Variants in PLEKHA6 observed in about 807,000 individuals in gnomAD.
The protein encoded by PLEKHA6 is pleckstrin homology domain-containing family A member 6.
A neutral mutation model predicts 116.7 loss-of-function variants in PLEKHA6; 60 were observed. The observed-to-expected ratio is 0.51, with a 90% CI of 0.42 to 0.64. PLEKHA6 has a LOEUF of 0.64. PLEKHA6 is among the 30% of genes least tolerant of loss of function. The probability of loss-of-function intolerance (pLI) is 0.00; values close to 1 mark genes in which losing one functional copy is unlikely to be tolerated. For missense variants in PLEKHA6, 1,338 were observed against 1,422.7 expected (o/e 0.94, Z 0.96); for synonymous variants, 489 against 556.1 (o/e 0.88, Z 1.70).
chr1:204,298,364 A>G (rs989688926), intron 1 of PLEKHA6, among the ~76,000 whole-genome samples: 1 of 152,188 alleles, frequency 6.6e-6, no homozygotes, highest in Non-Finnish European at 1.5e-5. Context: ...TTGACTCCCT[A>G]GTGTCAAATG....
intron 4 of PLEKHA6, 31 bp from the exon 5 acceptor site, chr1:204,267,578 G>C: frequency 6.3e-7 from 1 of 1,588,656 alleles, no homozygotes; most frequent in Non-Finnish European, 8.6e-7. Context: ...AGATGTGAGG[G>C]CTGCAAGCTG....
Position 204,257,359 on chromosome 1 carries a change from G to C in PLEKHA6, c.1518C>G (p.Ser506=). The C allele has an allele frequency of 1.3e-6, 2 of 1,561,156 alleles. No homozygotes were observed. The highest frequency in any genetic ancestry group is 1.7e-6 in the Non-Finnish European group (2 of 1,152,132). Residue 506 remains serine (S), a synonymous_variant, in exon 9 of 23, where the codon TCC becomes TCG. Transcript: ENST00000272203. This position sits in a 1 kb window ranked among gnomAD's most constrained non-coding sequence, Gnocchi z 6.5. ...AAYVMRRSIS[S]PKVPPYPEVF... ...GGGCAGGCTGGTGGCTCACCTTGGGGGAGCTGATGGATCGCCTCATCACAT... is the reference window on the plus strand; with the variant it reads ...GGGCAGGCTGGTGGCTCACCTTGGGCGAGCTGATGGATCGCCTCATCACAT...
At chr1:204,334,417 G>GGAT (rs1672566915) in intron 1 of PLEKHA6, among the ~76,000 whole-genome samples, 1 of 152,176 alleles carries the variant, frequency 6.6e-6, no homozygotes, top group African/African-American at 2.4e-5. Context: ...TCACCACGGA[G>GGAT]GATGGTTCTG....
rs1659979616 is a variant in PLEKHA6, at chr1:204,223,910, A to G, written c.3032-325T>C. 6.6e-6 allele frequency among the ~76,000 whole-genome samples: 1 copy of G among 152,296 alleles called. No homozygotes were observed. The highest frequency in any genetic ancestry group is 1.5e-5 in the Non-Finnish European group (1 of 68,020). ...GGGGAGATTCACACACCTCTCCACT[A>G]CTGTGCAGACAGAACCAGGGAGTGG... On this transcript the variant is annotated intron_variant, in intron 21 of 22. Coordinates refer to ENST00000272203, the MANE Select transcript of PLEKHA6 (RefSeq NM_014935.5). This position sits in a 1 kb window ranked among gnomAD's most constrained non-coding sequence, Gnocchi z 4.8.
At position 204,332,454 on chromosome 1, in the gene PLEKHA6, C is replaced by A. The variant is rs138309297; in HGVS notation, c.-95+27240G>T. Among the ~76,000 whole-genome samples, 7 of 152,346 alleles carry A rather than the reference C, an allele frequency of 4.6e-5. No individual in the cohort carries two copies. In the East Asian group the frequency reaches 1.4e-3, roughly 29 times the overall value. On this transcript the variant is annotated intron_variant, in intron 1 of 22. Transcript: ENST00000272203. ...TGGCACGATCCATCTCGGCTCACTG[C>A]AACTTCCACTTCCCAGGTCCCGGTT...
At chr1:204,316,310 A>T (rs1166108654) in intron 1 of PLEKHA6, among the ~76,000 whole-genome samples, 1 of 152,318 alleles carries the variant, frequency 6.6e-6, no homozygotes, top group South Asian at 2.1e-4. Flanking sequence ...CTTTCTCGAT[A>T]CAGGATGTGG....
intron 1 of PLEKHA6, among the ~76,000 whole-genome samples, chr1:204,337,888 G>A (rs1334519071): frequency 6.6e-6 from 1 of 152,244 alleles, no homozygotes; most frequent in Non-Finnish European, 1.5e-5. Context: ...TGCCAGGTGG[G>A]TAAAGTGCTT....
At position 204,247,401 on chromosome 1, in the gene PLEKHA6, G is replaced by A. The variant is rs141506188; in HGVS notation, c.1884C>T (p.His628=). The A allele has an allele frequency of 1.1e-4, 182 of 1,613,320 alleles. 2 individuals are homozygous for A. The African/African-American group carries it at 1.4e-3, about 12-fold the overall frequency. The change falls in exon 13 of 23, where the codon CAC becomes CAT. Residue 628 remains histidine, a synonymous_variant. Coordinates refer to ENST00000272203, the MANE Select transcript of PLEKHA6 (RefSeq NM_014935.5). ...AATTGAGCTGCTCCCAGAGGTCATC[G>A]TGCAGGGCAGAGACCTCAGACTCGA... is the stretch of plus-strand genomic sequence containing the variant. ...EHLESEVSAL[H]DDLWEQLNLD... is the part of the protein sequence containing the mutation.
At chr1:204,347,393 A>T (rs879768232) in intron 1 of PLEKHA6, 99 of 561,696 alleles carry the variant, frequency 1.8e-4, no homozygotes, top group Admixed American at 3.6e-4. Context: ...TTCCCTAAAC[A>T]CTGCTGTTAT....
Position 204,257,688 on chromosome 1 carries a change from G to A in PLEKHA6, c.1189C>T (p.Arg397Cys), listed in dbSNP as rs369190008. ...WALEDKRHAF[R>C]NGGGPAYQLR... ...TGGTAGGCAGGGCCACCCCCATTGC[G>A]GAAGGCATGGCGCTTGTCCTCCAGG... The change falls in exon 9 of 23, where the codon CGC (arginine) becomes TGC (cysteine). Residue 397 changes from arginine to cysteine, a missense_variant. This residue lies in a region of PLEKHA6 where 1,136 missense variants were observed against 1,163.6 expected (regional missense o/e 0.98). Transcript: ENST00000272203. This position sits in a 1 kb window ranked among gnomAD's most constrained non-coding sequence, Gnocchi z 6.5. 29 of 1,611,122 alleles carry A rather than the reference G, an allele frequency of 1.8e-5. No individual in the cohort carries two copies. The highest frequency in any genetic ancestry group is 1.2e-4 in the African/African-American group (9 of 74,896).
At chr1:204,256,873 C>G (rs764232272) in intron 9 of PLEKHA6, 1 of 657,726 alleles carries the variant, frequency 1.5e-6, no homozygotes, top group South Asian at 1.7e-5. Flanking sequence ...GGCCGCCTGT[C>G]TCCCAGGTAA....
At chr1:204,256,034 C>G (rs1340912616) in intron 9 of PLEKHA6, among the ~76,000 whole-genome samples, 1 of 152,148 alleles carries the variant, frequency 6.6e-6, no homozygotes, top group Non-Finnish European at 1.5e-5. Context: ...TTTCTGGGTG[C>G]GTGTGTTTGC....
Position 204,257,989 on chromosome 1 carries a change from G to A in PLEKHA6, c.1008-120C>T. ...GTGCTTGAATAGGTACACAGGGGCT[G>A]AGGTTTATTCCAGAGATGAGGGAAA... On this transcript the variant is annotated intron_variant, in intron 8 of 22. Transcript: ENST00000272203. The surrounding 1 kb of genome is among the most constrained non-coding windows in gnomAD (Gnocchi z 6.5). 1 of 840,042 alleles carries A rather than the reference G, an allele frequency of 1.2e-6. No individual in the cohort carries two copies. Among genetic ancestry groups the A allele is most frequent in the Non-Finnish European group, 1.9e-6 (1 of 539,798 alleles). 52.0% of individuals were successfully genotyped at this position (840,042 alleles called of 1,614,324 possible). A position where few individuals can be genotyped will look rare whatever the true frequency, so the allele number is the denominator to read the frequency against.
chr1:204,351,770 C>T (rs553767053), intron 1 of PLEKHA6, among the ~76,000 whole-genome samples: 7 of 152,108 alleles, frequency 4.6e-5, no homozygotes, highest in African/African-American at 1.7e-4. Context: ...TAGGGACCAG[C>T]TTCCTGGAAT....
At chr1:204,248,793 G>C in intron 12 of PLEKHA6, 28 bp downstream of exon 12, 1 of 1,607,182 alleles carries the variant, frequency 6.2e-7, no homozygotes, top group South Asian at 1.1e-5. Flanking sequence ...GATGAGGTGG[G>C]GTGCACGAAC....
intron 1 of PLEKHA6, among the ~76,000 whole-genome samples, chr1:204,343,745 A>G (rs1445294545): frequency 6.6e-6 from 1 of 152,216 alleles, no homozygotes; most frequent in Non-Finnish European, 1.5e-5. Flanking sequence ...GGGGCTTTCA[A>G]GCAGTGGCTG....
intron 1 of PLEKHA6, among the ~76,000 whole-genome samples, chr1:204,296,463 A>C (rs4611087): frequency 6.6e-6 from 1 of 151,498 alleles, no homozygotes; most frequent in Non-Finnish European, 1.5e-5. Flanking sequence ...CACCATCATC[A>C]CTATCTACCA....
intron 2 of PLEKHA6, chr1:204,368,437 T>G (rs1300649185): frequency 6.6e-6 from 1 of 152,080 alleles, no homozygotes; most frequent in African/African-American, 2.4e-5. Flanking sequence ...TTGCAATTTT[T>G]AAAATCTTTA....
intron 7 of PLEKHA6, among the ~76,000 whole-genome samples, chr1:204,260,894 G>A (rs967357853): frequency 6.6e-6 from 1 of 152,222 alleles, no homozygotes; most frequent in Non-Finnish European, 1.5e-5. Context: ...GGAACCTCGG[G>A]TTCAGAGAGG....
Sources: allele counts gnomAD v4.1 joint callset (sites outside exome capture counted in the v4.1 genomes callset), GRCh38; gene constraint gnomAD v4.1.1; regional missense constraint gnomAD v4.1.1; non-coding constraint Gnocchi (gnomAD v3.1); transcripts MANE v1.5; gene names NCBI Gene and HGNC (gene_info 2026-07-23, HGNC 2026-07-21).